Variants in ALCAM observed in about 807,000 individuals in gnomAD.
ALCAM encodes activated leukocyte cell adhesion molecule.
ALCAM carries 30 observed loss-of-function variants against 70.9 expected under a neutral mutation model. The observed-to-expected ratio is 0.42, with a 90% CI of 0.32 to 0.57. ALCAM has a LOEUF of 0.57. Among genes scored for constraint, ALCAM ranks in the 20% least tolerant of loss-of-function variants. The pLI, the probability that ALCAM is intolerant of heterozygous loss-of-function variation, is 0.11. For synonymous variants in ALCAM, 249 were observed against 242.5 expected (o/e 1.03, Z -0.25); for missense variants, 591 against 695.1 (o/e 0.85, Z 1.68).
At chr3:105,517,689 C>T (rs1463930719) in intron 1 of ALCAM, among the ~76,000 whole-genome samples, 1 of 152,046 alleles carries the variant, frequency 6.6e-6, no homozygotes, top group East Asian at 1.9e-4. Context: ...TTTGTTTCTC[C>T]TCAAGACAGA....
chr3:105,490,894 G>A (rs1020202107), intron 1 of ALCAM, among the ~76,000 whole-genome samples: 1 of 152,204 alleles, frequency 6.6e-6, no homozygotes, highest in Non-Finnish European at 1.5e-5. Context: ...AGGGCTGCAA[G>A]ATGGTGGCCC....
At chr3:105,404,581 G>A (rs1936173083) in intron 1 of ALCAM, among the ~76,000 whole-genome samples, 1 of 151,910 alleles carries the variant, frequency 6.6e-6, no homozygotes, top group South Asian at 2.1e-4. Context: ...ACTGCTAAAA[G>A]GAGCTCTAAA....
At chr3:105,448,616 A>G (rs1324777525) in intron 1 of ALCAM, among the ~76,000 whole-genome samples, 1 of 152,288 alleles carries the variant, frequency 6.6e-6, no homozygotes, top group Middle Eastern at 3.4e-3. Context: ...GGAAGAGCTT[A>G]AATTTCTGTA....
In ALCAM at chr3:105,483,630, G is replaced by C. The variant is rs562529664; in HGVS notation, c.74-36437G>C. 3.0e-4 allele frequency among the ~76,000 whole-genome samples: 46 copies of C among 152,232 alleles called. 1 individual carries two copies. The highest frequency in any genetic ancestry group is 1.1e-3 in the African/African-American group (46 of 41,548). On this transcript the variant is annotated intron_variant, in intron 1 of 15. Coordinates refer to ENST00000306107, the MANE Select transcript of ALCAM (RefSeq NM_001627.4). ...ATTGCAAATGTGGGGCTAGATCATA[G>C]GAGTGTTGCCAAAGCTGGATATGCA...
intron 1 of ALCAM, among the ~76,000 whole-genome samples, chr3:105,381,893 T>C (rs1034319004): frequency 6.6e-6 from 1 of 151,322 alleles, no homozygotes; most frequent in Middle Eastern, 3.4e-3. Flanking sequence ...CTCTTTTTTT[T>C]ATTGTCATAT....
At chr3:105,486,706 T>C (rs9833451) in intron 1 of ALCAM, among the ~76,000 whole-genome samples, 85,762 of 151,786 alleles carry the variant, frequency 0.57, 24,625 homozygotes, top group African/African-American at 0.65. Context: ...AATTAATTCA[T>C]TAGATAGGGG....
At chr3:105,504,731 T>C (rs916450148) in intron 1 of ALCAM, among the ~76,000 whole-genome samples, 1 of 152,120 alleles carries the variant, frequency 6.6e-6, no homozygotes, top group Non-Finnish European at 1.5e-5. Flanking sequence ...AGGCCCAGGA[T>C]GGGGGCATGG....
At chr3:105,410,342 T>C (rs1337401445) in intron 1 of ALCAM, among the ~76,000 whole-genome samples, 1 of 152,054 alleles carries the variant, frequency 6.6e-6, no homozygotes. Context: ...AAAGGTAGTG[T>C]CTACCAAGAC....
chr3:105,410,210 C>G (rs1426627191), intron 1 of ALCAM, among the ~76,000 whole-genome samples: 1 of 152,012 alleles, frequency 6.6e-6, no homozygotes, highest in Non-Finnish European at 1.5e-5. Context: ...ACTACCCATA[C>G]TATTTGTAGG....
At chr3:105,457,979 T>C (rs1937555899) in intron 1 of ALCAM, among the ~76,000 whole-genome samples, 1 of 152,092 alleles carries the variant, frequency 6.6e-6, no homozygotes, top group African/African-American at 2.4e-5. Context: ...CAATGGAGCT[T>C]TCCAATGGAG....
intron 1 of ALCAM, among the ~76,000 whole-genome samples, chr3:105,429,964 CAAATT>C (rs1199999480): frequency 6.6e-6 from 1 of 151,824 alleles, no homozygotes; most frequent in Non-Finnish European, 1.5e-5. Flanking sequence ...GTTAAACAAA[CAAATT>C]AATAATACAT....
In ALCAM at chr3:105,533,676, A is replaced by T; in HGVS notation, c.533A>T (p.His178Leu). 2 of 1,611,388 alleles carry T rather than the reference A, an allele frequency of 1.2e-6. No individual in the cohort carries two copies. The highest frequency in any genetic ancestry group is 2.2e-5 in the East Asian group (1 of 44,798). ...TGGTACAGGAATGGAAAAGTGCTAC[A>T]TCCCCTTGAAGGAGGTGGGTGTGAG... is the stretch of plus-strand genomic sequence containing the variant. ...ITWYRNGKVL[H>L]PLEGAVVIIF... Residue 178 changes from histidine to leucine, a missense_variant, in exon 5 of 16, where the codon CAT becomes CTT. His to Leu is a moderately conservative substitution (Grantham distance 99). Transcript: ENST00000306107.
At chr3:105,468,923 T>G (rs1363912915) in intron 1 of ALCAM, among the ~76,000 whole-genome samples, 1 of 151,338 alleles carries the variant, frequency 6.6e-6, no homozygotes, top group African/African-American at 2.4e-5. Context: ...TGAATGCTTA[T>G]GTTTGAGCAT....
intron 1 of ALCAM, among the ~76,000 whole-genome samples, chr3:105,484,674 G>A (rs1938372510): frequency 6.6e-6 from 1 of 152,024 alleles, no homozygotes; most frequent in South Asian, 2.1e-4. Context: ...ACGAGGGTCA[G>A]GCCAATCAAA....
At chr3:105,432,907 A>T (rs1936968808) in intron 1 of ALCAM, among the ~76,000 whole-genome samples, 1 of 152,150 alleles carries the variant, frequency 6.6e-6, no homozygotes. Context: ...TGTGAAACGT[A>T]ACAGGAGCAT....
chr3:105,430,710 T>G (rs1008168654), intron 1 of ALCAM, among the ~76,000 whole-genome samples: 2 of 152,066 alleles, frequency 1.3e-5, no homozygotes, highest in African/African-American at 4.8e-5. Flanking sequence ...AGCTCACACC[T>G]CATGTTCCAG....
intron 1 of ALCAM, among the ~76,000 whole-genome samples, chr3:105,415,085 G>T (rs1480009831): frequency 1.3e-5 from 2 of 152,102 alleles, no homozygotes; most frequent in African/African-American, 4.8e-5. Flanking sequence ...TGTAAGTCTA[G>T]CAGCCTGAAC....
intron 14 of ALCAM, among the ~76,000 whole-genome samples, chr3:105,559,327 A>G (rs1044054402): frequency 8.8e-5 from 13 of 148,556 alleles, no homozygotes; most frequent in African/African-American, 3.2e-4. Flanking sequence ...TATGTAATAT[A>G]TATGCTATTA....
At chr3:105,553,944 T>C (rs1377960799) in intron 14 of ALCAM, among the ~76,000 whole-genome samples, 1 of 151,904 alleles carries the variant, frequency 6.6e-6, no homozygotes, top group Non-Finnish European at 1.5e-5. Flanking sequence ...TTTCTCCTGT[T>C]GTGTGTTGTC....
Sources: gnomAD v4.1 joint callset for allele counts (sites outside exome capture counted in the v4.1 genomes callset) on GRCh38, gnomAD v4.1.1 for gene constraint, MANE v1.5 for transcripts, NCBI Gene and HGNC (gene_info 2026-07-23, HGNC 2026-07-21) for gene names.